RABGAP1L: variants seen among roughly 807,000 people sequenced by gnomAD.
RABGAP1L encodes rab GTPase-activating protein 1-like.
In RABGAP1L, 63 loss-of-function variants were observed where a neutral mutation model predicts 137.7. The observed-to-expected ratio is 0.46, with a 90% CI of 0.37 to 0.56. The LOEUF (loss-of-function observed/expected upper bound fraction) is 0.56. Ranked by LOEUF, RABGAP1L falls within the 20% of genes least tolerant of loss-of-function variation. RABGAP1L has a pLI of 0.00. For synonymous variants in RABGAP1L, 431 were observed against 433.7 expected (o/e 0.99, Z 0.08); for missense variants, 1,095 against 1,244.0 (o/e 0.88, Z 1.80).
intron 15 of RABGAP1L, among the ~76,000 whole-genome samples, chr1:174,695,735 T>G (rs1161073942): frequency 6.6e-6 from 1 of 152,238 alleles, no homozygotes; most frequent in Non-Finnish European, 1.5e-5. Context: ...AACTTATTTT[T>G]ACCCGTCCTT....
intron 13 of RABGAP1L, among the ~76,000 whole-genome samples, chr1:174,635,414 G>A (rs1230348983): frequency 1.3e-5 from 2 of 152,058 alleles, no homozygotes; most frequent in Non-Finnish European, 2.9e-5. Flanking sequence ...AGAAAACCTG[G>A]CAGTGAAAAC....
intron 13 of RABGAP1L, among the ~76,000 whole-genome samples, chr1:174,607,015 T>C (rs1211432056): frequency 6.6e-6 from 1 of 152,206 alleles, no homozygotes; most frequent in Admixed American, 6.5e-5. Flanking sequence ...CACTATGATA[T>C]TAGTAATCTG....
At chr1:174,340,003 A>G (rs1462527538) in intron 11 of RABGAP1L, among the ~76,000 whole-genome samples, 1 of 152,132 alleles carries the variant, frequency 6.6e-6, no homozygotes, top group Admixed American at 6.6e-5. Context: ...AAAAGAGTTA[A>G]TAAGTTTTAT....
intron 18 of RABGAP1L, among the ~76,000 whole-genome samples, chr1:174,787,218 C>T (rs1687508610): frequency 6.6e-6 from 1 of 152,018 alleles, no homozygotes; most frequent in African/African-American, 2.4e-5. Flanking sequence ...GCCTGGCCAA[C>T]ATGGTGAAAC....
intron 19 of RABGAP1L, among the ~76,000 whole-genome samples, chr1:174,925,997 G>A (rs1386996738): frequency 6.7e-6 from 1 of 149,340 alleles, no homozygotes; most frequent in African/African-American, 2.5e-5. Context: ...CCAAGTAGCT[G>A]GGTCTACAGG....
intron 18 of RABGAP1L, among the ~76,000 whole-genome samples, chr1:174,758,135 T>C (rs1253933582): frequency 1.3e-5 from 2 of 152,216 alleles, no homozygotes; most frequent in Admixed American, 1.3e-4. Context: ...GTATCTTACT[T>C]GATCCTTCAA....
chr1:174,548,620 ACC>A, intron 13 of RABGAP1L: 1 of 903,776 alleles, frequency 1.1e-6, no homozygotes, highest in Non-Finnish European at 1.3e-6. Context: ...GCTTCTGCAT[ACC>A]ACCCATCTTC....
At chr1:174,613,285 T>C (rs906034599) in intron 13 of RABGAP1L, among the ~76,000 whole-genome samples, 2 of 152,212 alleles carry the variant, frequency 1.3e-5, no homozygotes, top group African/African-American at 4.8e-5. Flanking sequence ...TCAAAGTACA[T>C]CTTTATTTCT....
intron 17 of RABGAP1L, among the ~76,000 whole-genome samples, chr1:174,742,873 C>T (rs1470930136): frequency 1.3e-5 from 2 of 152,126 alleles, no homozygotes; most frequent in African/African-American, 2.4e-5. Flanking sequence ...GTCATACCTC[C>T]CTATCATTCC....
chr1:174,912,576 G>A (rs1163172392), intron 19 of RABGAP1L, among the ~76,000 whole-genome samples: 1 of 152,224 alleles, frequency 6.6e-6, no homozygotes, highest in Non-Finnish European at 1.5e-5. Context: ...AGTGCCAGCT[G>A]TGTCTAATCT....
At position 174,219,205 on chromosome 1, in the gene RABGAP1L, T is replaced by C; in HGVS notation, c.48T>C (p.Ser16=). 1 of 1,604,756 alleles carries C rather than the reference T, an allele frequency of 6.2e-7. No homozygotes were observed. The highest frequency in any genetic ancestry group is 8.5e-7 in the Non-Finnish European group (1 of 1,174,134). ...SLQKVSGSSD[S]VATMNSEEFV... ...AGAAGGTTAGTGGATCATCTGATTC[T>C]GTGGCTACAATGAACAGTGAAGAAT... Residue 16 remains serine (S), a synonymous_variant, in exon 2 of 26, where the codon TCT becomes TCC. Coordinates refer to ENST00000681986, the MANE Select transcript of RABGAP1L (RefSeq NM_001366446.1).
intron 18 of RABGAP1L, among the ~76,000 whole-genome samples, chr1:174,763,707 A>G (rs1263051166): frequency 3.4e-5 from 4 of 117,344 alleles, no homozygotes; most frequent in Non-Finnish European, 6.8e-5. Context: ...GCGTGGTGGC[A>G]GGTGCCTGTA....
chr1:174,382,877 A>G (rs1198297466), intron 12 of RABGAP1L, among the ~76,000 whole-genome samples: 1 of 151,766 alleles, frequency 6.6e-6, no homozygotes, highest in Non-Finnish European at 1.5e-5. Flanking sequence ...TGCGTTTTAG[A>G]GTTTCCAGTT....
intron 13 of RABGAP1L, among the ~76,000 whole-genome samples, chr1:174,440,456 A>C (rs769607261): frequency 3.2e-4 from 49 of 152,208 alleles, no homozygotes; most frequent in Non-Finnish European, 6.0e-4. Flanking sequence ...AGATGGAGAA[A>C]AGTTACCAGG....
rs74326142 is a variant in RABGAP1L at position 174,901,922 on chromosome 1, C to T, written c.2341-55535C>T. Among the ~76,000 whole-genome samples the T allele has an allele frequency of 2.9e-3, 447 of 152,160 alleles. 3 individuals carry two copies. The highest frequency in any genetic ancestry group is 0.01 in the African/African-American group (427 of 41,494). ...TTGTTTTTCTTTTTAACAATCAGGC[C>T]ACTCTATCTATCGTAGGACTGCTGT... On this transcript the variant is annotated intron_variant, in intron 19 of 25. Coordinates refer to ENST00000681986, the MANE Select transcript of RABGAP1L (RefSeq NM_001366446.1).
chr1:174,759,819 G>A (rs948356015), intron 18 of RABGAP1L, among the ~76,000 whole-genome samples: 6 of 152,080 alleles, frequency 3.9e-5, no homozygotes, highest in Non-Finnish European at 8.8e-5. Flanking sequence ...TGAACTCACT[G>A]AGTGAGAACT....
In RABGAP1L at chr1:174,620,432, G is replaced by A. The variant is rs550721895; in HGVS notation, c.1711-16943G>A. ...AAAAGAACAGAAATTATAACAAACT[G>A]TCTCTCAGACCACAGTGCAATCAAA... On this transcript the variant is annotated intron_variant, in intron 13 of 25. Transcript: ENST00000681986. Among the ~76,000 whole-genome samples, 45 of 152,228 alleles carry A rather than the reference G, an allele frequency of 3.0e-4. No homozygotes were observed. The South Asian group carries it at 3.1e-3, about 11-fold the overall frequency.
At chr1:174,745,471 A>G (rs1683798748) in intron 17 of RABGAP1L, among the ~76,000 whole-genome samples, 2 of 152,214 alleles carry the variant, frequency 1.3e-5, no homozygotes, top group Admixed American at 1.3e-4. Flanking sequence ...TCCATCACAG[A>G]TATCTAACAA....
At chr1:174,354,734 C>T (rs1683473152) in intron 11 of RABGAP1L, among the ~76,000 whole-genome samples, 1 of 152,030 alleles carries the variant, frequency 6.6e-6, no homozygotes, top group African/African-American at 2.4e-5. Context: ...AAGTCCTTGC[C>T]CATGCCTATG....
Sources: gnomAD v4.1 joint callset for allele counts (sites outside exome capture counted in the v4.1 genomes callset) on GRCh38, gnomAD v4.1.1 for gene constraint, MANE v1.5 for transcripts, NCBI Gene and HGNC (gene_info 2026-07-23, HGNC 2026-07-21) for gene names.